The following MICAL2 variants were observed in gnomAD, a reference collection of about 807,000 sequenced individuals.
The protein encoded by MICAL2 is microtubule associated monooxygenase, calponin and LIM domain containing 2.
Under a neutral mutation model 127.3 loss-of-function variants are expected in MICAL2, and 77 were observed. The observed-to-expected ratio is 0.60, with a 90% confidence interval of 0.50 to 0.73. The LOEUF (loss-of-function observed/expected upper bound fraction) is 0.73. Ranked by LOEUF, MICAL2 falls within the 30% of genes least tolerant of loss-of-function variation. The pLI is 0.00. For synonymous variants in MICAL2, 570 were observed against 551.1 expected, an observed-to-expected ratio of 1.03 and a Z score of -0.48; for missense variants, 1,351 against 1,434.4, an observed-to-expected ratio of 0.94 and a Z score of 0.94.
At chr11:12,305,359 G>T (rs1429004705) in intron 29 of MICAL2, among the ~76,000 whole-genome samples, 1 of 151,754 alleles carries the variant, frequency 6.6e-6, no homozygotes, top group Non-Finnish European at 1.5e-5. Flanking sequence ...AACAGCATGG[G>T]GGAGACCACC....
intron 1 of MICAL2, among the ~76,000 whole-genome samples, chr11:12,118,699 C>G (rs187461936): frequency 2.0e-5 from 3 of 152,204 alleles, no homozygotes; most frequent in Non-Finnish European, 4.4e-5. Flanking sequence ...GACCTGGGCT[C>G]AAATCCGAGC....
intron 2 of MICAL2, among the ~76,000 whole-genome samples, chr11:12,149,362 G>A (rs1853323849): frequency 6.6e-6 from 1 of 152,188 alleles, no homozygotes. Context: ...TCAGGGAGCT[G>A]TTGAAGGATT....
downstream of MICAL2, among the ~76,000 whole-genome samples, chr11:12,290,153 C>A (rs1223416905): frequency 6.6e-6 from 1 of 152,250 alleles, no homozygotes; most frequent in Admixed American, 6.5e-5. Flanking sequence ...GGACAAGGGG[C>A]TCGGCCTGAG....
chr11:12,242,354 G>C lies in MICAL2; in HGVS notation c.2478G>C (p.Leu826=). The C allele has an allele frequency of 6.2e-7, 1 of 1,614,142 alleles. No homozygotes were observed. Among genetic ancestry groups the C allele is most frequent in the Non-Finnish European group, 8.5e-7 (1 of 1,179,996 alleles). The part of the protein sequence containing the change: ...QLGGTENFAT[L]PSTRPRAQAL... ...GTGGGACAGAAAATTTCGCTACCCT[G>C]CCTTCTACCCGCCCGAGGGCGCAGG... The change falls in exon 19 of 28, where the codon CTG becomes CTC. Residue 826 remains leucine (L), a synonymous_variant. Transcript: ENST00000683283.
At chr11:12,305,501 A>AT (rs35653453) in intron 29 of MICAL2, among the ~76,000 whole-genome samples, 62,444 of 151,954 alleles carry the variant, frequency 0.41, 13,817 homozygotes, top group African/African-American at 0.56. Context: ...TTACTACTAC[A>AT]TTTTTTTACT....
downstream of MICAL2, among the ~76,000 whole-genome samples, chr11:12,266,099 G>A (rs1863608100): frequency 6.6e-6 from 1 of 152,154 alleles, no homozygotes; most frequent in Non-Finnish European, 1.5e-5. Flanking sequence ...ATTACAGAGT[G>A]AGACTCTGTC....
chr11:12,237,099 AACAGTGAGCT>A (rs1859192321), intron 16 of MICAL2, among the ~76,000 whole-genome samples: 1 of 152,138 alleles, frequency 6.6e-6, no homozygotes, highest in Non-Finnish European at 1.5e-5. Context: ...TGCCCCTCAC[AACAGTGAGCT>A]TTATAATAAA....
At chr11:12,141,103 C>G (rs1236480317) in intron 2 of MICAL2, among the ~76,000 whole-genome samples, 1 of 152,218 alleles carries the variant, frequency 6.6e-6, no homozygotes, top group Non-Finnish European at 1.5e-5. Context: ...TCTGCTCTTT[C>G]CCTAAGTGAT....
At chr11:12,236,978 T>C (rs1438805524) in intron 16 of MICAL2, among the ~76,000 whole-genome samples, 1 of 152,240 alleles carries the variant, frequency 6.6e-6, no homozygotes, top group Non-Finnish European at 1.5e-5. Context: ...GTCTGTATAA[T>C]ACATTGATAT....
At chr11:12,220,177 G>A (rs769046781) in intron 8 of MICAL2, 24 bp from the exon 9 acceptor site, 1 of 1,613,262 alleles carries the variant, frequency 6.2e-7, no homozygotes, top group Non-Finnish European at 8.5e-7. Flanking sequence ...GGAGGTTGCT[G>A]CACCATGTTT....
chr11:12,150,166 C>G (rs1386932939), intron 2 of MICAL2, among the ~76,000 whole-genome samples: 1 of 152,120 alleles, frequency 6.6e-6, no homozygotes, highest in Non-Finnish European at 1.5e-5. Context: ...TGTTTTCTCC[C>G]ATAAAAGCAA....
At chr11:12,327,082 C>T (rs1158296491) in intron 31 of MICAL2, 1 of 1,137,306 alleles carries the variant, frequency 8.8e-7, no homozygotes, top group Non-Finnish European at 1.3e-6. Flanking sequence ...GTGAAAGGGC[C>T]TCTTTCTCCT....
chr11:12,138,404 G>A lies in MICAL2; in HGVS notation c.-134G>A, dbSNP rs932512729. On this transcript the variant is annotated 5_prime_UTR_variant, in exon 2 of 28. The change creates a new upstream start codon in the 5' untranslated region. Coordinates refer to ENST00000683283, the MANE Select transcript of MICAL2 (RefSeq NM_001282663.2). ...TGTTTTTAAAGGAACATGGCAACCC[G>A]TGTGTGTCTCATCCCAGAAAGAGAA... The A allele has an allele frequency of 1.3e-5, 2 of 152,230 alleles. No individual in the cohort carries two copies. The highest frequency in any genetic ancestry group is 6.5e-5 in the Admixed American group (1 of 15,280). 9.4% of individuals were successfully genotyped at this position (152,230 alleles called of 1,614,324 possible). A position where few individuals can be genotyped will look rare whatever the true frequency, so the allele number is the denominator to read the frequency against.
chr11:12,179,878 C>T (rs2133938372), intron 3 of MICAL2, among the ~76,000 whole-genome samples: 1 of 152,362 alleles, frequency 6.6e-6, no homozygotes, highest in Middle Eastern at 3.4e-3. Flanking sequence ...TCAATTCCCA[C>T]AGCAGCTGTT....
At chr11:12,350,280 G>T (rs977536276) in intron 33 of MICAL2, among the ~76,000 whole-genome samples, 1 of 152,172 alleles carries the variant, frequency 6.6e-6, no homozygotes, top group African/African-American at 2.4e-5. Context: ...GCTGTGTCTG[G>T]CCTCTGAGTG....
intron 32 of MICAL2, among the ~76,000 whole-genome samples, chr11:12,339,138 G>A (rs1938816815): frequency 6.6e-6 from 1 of 152,100 alleles, no homozygotes; most frequent in African/African-American, 2.4e-5. Context: ...ATATTTCTTG[G>A]AGGCTTTGTT....
intron 24 of MICAL2, 60 bp downstream of exon 24, chr11:12,257,031 C>G: frequency 6.6e-7 from 1 of 1,514,110 alleles, no homozygotes; most frequent in Non-Finnish European, 8.9e-7. Flanking sequence ...GTGACCTTGG[C>G]TCGGGTTCCT....
At chr11:12,360,399 G>A (rs1230049729), downstream of MICAL2, among the ~76,000 whole-genome samples, 1 of 152,120 alleles carries the variant, frequency 6.6e-6, no homozygotes, top group Non-Finnish European at 1.5e-5. Flanking sequence ...GAGTTGTATA[G>A]TATTAAAGAT....
chr11:12,133,754 A>G (rs1205785506), intron 1 of MICAL2, among the ~76,000 whole-genome samples: 3 of 152,226 alleles, frequency 2.0e-5, no homozygotes, highest in Non-Finnish European at 4.4e-5. Flanking sequence ...CAGTAAAATC[A>G]CACTAGAGCT....
Sources: gnomAD v4.1 joint callset for allele counts (sites outside exome capture counted in the v4.1 genomes callset) on GRCh38, gnomAD v4.1.1 for gene constraint, MANE v1.5 for transcripts, NCBI Gene and HGNC (gene_info 2026-07-23, HGNC 2026-07-21) for gene names.